The following UGGT2 variants were observed in gnomAD, a reference collection of about 807,000 sequenced individuals.
The protein encoded by UGGT2 is UDP-glucose:glycoprotein glucosyltransferase 2.
Under a neutral mutation model 192.1 loss-of-function variants are expected in UGGT2, and 180 were observed. The ratio of observed to expected loss-of-function variants is 0.94; its 90% CI spans 0.83 to 1.06. The LOEUF is 1.06. Ranked by LOEUF, UGGT2 falls within the 50% of genes least tolerant of loss-of-function variation. UGGT2 has a pLI of 0.00. For synonymous variants in UGGT2, 580 were observed against 591.0 expected (o/e 0.98, Z 0.27); for missense variants, 1,849 against 1,795.7 (o/e 1.03, Z -0.54).
chr13:95,997,666 G>T (rs1261829179), intron 6 of UGGT2, among the ~76,000 whole-genome samples: 2 of 151,902 alleles, frequency 1.3e-5, no homozygotes, highest in African/African-American at 4.8e-5. Context: ...AAAAAGATGT[G>T]AAGTCTTTAG....
At chr13:95,948,341 T>C (rs564950710) in intron 13 of UGGT2, among the ~76,000 whole-genome samples, 1 of 152,250 alleles carries the variant, frequency 6.6e-6, no homozygotes, top group African/African-American at 2.4e-5. Flanking sequence ...AGGCTACTCA[T>C]CTTCTTTTTG....
chr13:95,942,019 G>C (rs2049697990), intron 15 of UGGT2, among the ~76,000 whole-genome samples: 1 of 152,146 alleles, frequency 6.6e-6, no homozygotes, highest in African/African-American at 2.4e-5. Context: ...TATGGTGTTA[G>C]TCTTCTATGA....
intron 38 of UGGT2, chr13:95,809,609 A>T (rs1177092991): frequency 4.0e-6 from 1 of 247,052 alleles, no homozygotes; most frequent in Non-Finnish European, 8.3e-6. Context: ...TCCTCTTGGC[A>T]TCCTAGCAGC....
chr13:95,859,731 T>C (rs1889980678), intron 32 of UGGT2, 56 bp from the exon 33 acceptor site: 2 of 1,300,974 alleles, frequency 1.5e-6, no homozygotes, highest in Non-Finnish European at 2.1e-6. Context: ...AGCTCATATA[T>C]ATTTTTTAAC....
intron 36 of UGGT2, among the ~76,000 whole-genome samples, chr13:95,840,932 C>T (rs1211745488): frequency 6.6e-6 from 1 of 152,100 alleles, no homozygotes; most frequent in African/African-American, 2.4e-5. Flanking sequence ...CCATCATCCT[C>T]AACAAATTAA....
chr13:95,879,492 G>A (rs1473163644), intron 27 of UGGT2, among the ~76,000 whole-genome samples: 9 of 152,192 alleles, frequency 5.9e-5, no homozygotes, highest in African/African-American at 2.2e-4. Flanking sequence ...CTGGAGTACA[G>A]TGGCACGATC....
In UGGT2 at chr13:95,801,808, C is replaced by G. The variant is rs752716391; in HGVS notation, c.4533G>C (p.Leu1511Phe). The G allele has an allele frequency of 1.2e-6, 2 of 1,613,734 alleles. No homozygotes were observed. Among genetic ancestry groups the G allele is most frequent in the Non-Finnish European group, 8.5e-7 (1 of 1,179,846 alleles). ...ACCAGTGCTAGAGTTCATCATGTGT[C>G]AAAACTATAAGGGAGAAAAGTTTAT... The part of the protein sequence containing the change: ...HLENKKQDTI[L>F]THDEL Residue 1511 changes from leucine (L) to phenylalanine (F), a missense_variant, in exon 39 of 39, where the codon TTG (leucine) becomes TTC (phenylalanine). Physicochemically the swap from Leu to Phe is conservative, Grantham distance 22 (BLOSUM62 0). Coordinates refer to ENST00000376747, the MANE Select transcript of UGGT2 (RefSeq NM_020121.4).
chr13:95,940,321 T>C (rs2049625954), intron 15 of UGGT2, among the ~76,000 whole-genome samples: 1 of 151,944 alleles, frequency 6.6e-6, no homozygotes, highest in Non-Finnish European at 1.5e-5. Context: ...TTTTACTCTA[T>C]TTTGATGAAA....
rs760274174 is a variant in UGGT2 at position 95,927,251 on chromosome 13, C to T, written c.2063G>A (p.Arg688His). The stretch of plus-strand genomic sequence containing the variant: ...TAAATTGAGGTACTGCTGGTTAGTA[C>T]GCAAAATCAAAGTATTTATACGGGG... ...VVPRINTLIL[R>H]TNQQYLNLIS... Residue 688 changes from arginine (R) to histidine (H), a missense_variant, in exon 18 of 39, where the codon CGT (arginine) becomes CAT (histidine). Arg to His is a conservative substitution (Grantham distance 29). Transcript: ENST00000376747. 23 of 1,612,078 alleles carry T rather than the reference C, an allele frequency of 1.4e-5. No individual in the cohort carries two copies. The highest frequency in any genetic ancestry group is 1.7e-4 in the Middle Eastern group (1 of 5,904).
At chr13:96,035,108 A>T (rs879188182) in intron 1 of UGGT2, among the ~76,000 whole-genome samples, 2 of 152,220 alleles carry the variant, frequency 1.3e-5, no homozygotes, top group African/African-American at 4.8e-5. Flanking sequence ...AATAGCCAAG[A>T]CAATCTGAAG....
intron 15 of UGGT2, among the ~76,000 whole-genome samples, chr13:95,946,469 A>G (rs528965292): frequency 1.0e-3 from 155 of 152,242 alleles, no homozygotes; most frequent in Non-Finnish European, 1.9e-3. Context: ...TCTGGGCCCA[A>G]ATGATCCTCC....
At chr13:95,973,297 G>A (rs1463751544) in intron 10 of UGGT2, among the ~76,000 whole-genome samples, 1 of 152,090 alleles carries the variant, frequency 6.6e-6, no homozygotes, top group East Asian at 1.9e-4. Context: ...CAGTGATGGG[G>A]GGAATCTTAA....
chr13:95,867,880 T>C (rs1890821235), intron 29 of UGGT2, among the ~76,000 whole-genome samples: 1 of 152,206 alleles, frequency 6.6e-6, no homozygotes. Flanking sequence ...TGAAGTACAT[T>C]GTTAAAATAA....
chr13:95,978,896 T>C (rs900107629), intron 10 of UGGT2, among the ~76,000 whole-genome samples: 10 of 152,238 alleles, frequency 6.6e-5, no homozygotes, highest in African/African-American at 2.4e-4. Context: ...GAACTCTGTA[T>C]AATTCTCACA....
chr13:95,963,962 TATC>T (rs1594452987), intron 12 of UGGT2, among the ~76,000 whole-genome samples: 1 of 152,108 alleles, frequency 6.6e-6, no homozygotes, highest in Non-Finnish European at 1.5e-5. Flanking sequence ...TCTATTAAGA[TATC>T]ATCATTTTTC....
At chr13:95,969,988 T>C (rs2050718518) in intron 12 of UGGT2, 124 bp downstream of exon 12, 2 of 1,008,480 alleles carry the variant, frequency 2.0e-6, no homozygotes, top group South Asian at 1.7e-5. Context: ...AGTTTGACTT[T>C]CTCTTTTCAC....
chr13:95,837,997 T>A (rs566971758), intron 36 of UGGT2, among the ~76,000 whole-genome samples: 165 of 152,092 alleles, frequency 1.1e-3, no homozygotes, highest in Non-Finnish European at 2.2e-3. Flanking sequence ...TGTATATAGA[T>A]TGGGAAGGGA....
At chr13:95,973,137 T>A (rs1056971861) in intron 10 of UGGT2, among the ~76,000 whole-genome samples, 1 of 152,018 alleles carries the variant, frequency 6.6e-6, no homozygotes, top group Non-Finnish European at 1.5e-5. Context: ...ACCATTGCAC[T>A]CCAGCCTGGG....
chr13:95,822,504 T>C (rs1449218918), intron 38 of UGGT2, among the ~76,000 whole-genome samples: 2 of 152,082 alleles, frequency 1.3e-5, no homozygotes, highest in Non-Finnish European at 2.9e-5. Context: ...TAGTTTGACT[T>C]CCTCTTTTCC....
Sources: gnomAD v4.1 joint callset for allele counts (sites outside exome capture counted in the v4.1 genomes callset) on GRCh38, gnomAD v4.1.1 for gene constraint, MANE v1.5 for transcripts, NCBI Gene and HGNC (gene_info 2026-07-23, HGNC 2026-07-21) for gene names.